The following DPP6 variants were observed in gnomAD, a reference collection of about 807,000 sequenced individuals.
The protein encoded by DPP6 is A-type potassium channel modulatory protein DPP6.
In DPP6, 69 loss-of-function variants were observed where a neutral mutation model predicts 122.6. The ratio of observed to expected loss-of-function variants is 0.56; its 90% confidence interval spans 0.46 to 0.69. The LOEUF is 0.69. DPP6 is among the 30% of genes least tolerant of loss of function. DPP6 has a pLI of 0.00. For synonymous variants in DPP6, 418 were observed against 433.1 expected (o/e 0.97, Z 0.43); for missense variants, 928 against 1,116.9 (o/e 0.83, Z 2.41).
At position 154,313,750 on chromosome 7, in the gene DPP6, C is replaced by T. The variant is rs1251138332; in HGVS notation, c.244-132464C>T. 1.0e-4 allele frequency among the ~76,000 whole-genome samples: 12 copies of T among 118,680 alleles called. 3 individuals carry two copies. Among genetic ancestry groups the T allele is most frequent in the African/African-American group, 3.8e-4 (12 of 31,330 alleles). The allele number at this position is 118,680 out of a possible 152,430, so 77.9% of individuals were successfully genotyped here. ...GCACGCACACACACACACACACACA[C>T]ACCCTTACATATATATGTAGTACTT... On this transcript the variant is annotated intron_variant, in intron 1 of 25. Transcript: ENST00000377770.
chr7:154,377,857 G>A (rs1586101886), intron 1 of DPP6, among the ~76,000 whole-genome samples: 1 of 152,138 alleles, frequency 6.6e-6, no homozygotes, highest in East Asian at 1.9e-4. Flanking sequence ...ACATACATTT[G>A]TATTATAGCA....
At chr7:153,958,001 TA>T (rs1480267439) in intron 1 of DPP6, among the ~76,000 whole-genome samples, 2 of 151,944 alleles carry the variant, frequency 1.3e-5, no homozygotes, top group Non-Finnish European at 2.9e-5. Flanking sequence ...CCATCTCTAC[TA>T]AAAATACAAA....
intron 1 of DPP6, among the ~76,000 whole-genome samples, chr7:154,223,376 T>C (rs182165719): frequency 1.3e-5 from 2 of 149,464 alleles, no homozygotes; most frequent in East Asian, 1.9e-4. Context: ...GATTTGATGA[T>C]GGGCAAATAT....
chr7:154,046,341 C>G (rs11764651), intron 1 of DPP6, among the ~76,000 whole-genome samples: 3,733 of 152,276 alleles, frequency 0.025, 64 homozygotes, highest in East Asian at 0.062. Context: ...AGTCACATGA[C>G]CAGTCTCAAA....
At chr7:154,680,686 A>AT (rs11295169) in intron 7 of DPP6, among the ~76,000 whole-genome samples, 142 of 133,498 alleles carry the variant, frequency 1.1e-3, no homozygotes, top group African/African-American at 4.3e-3. Flanking sequence ...TTATATATAT[A>AT]TTTTTTTTAA....
At chr7:153,802,482 A>T in the DPP6 span, among the ~76,000 whole-genome samples, 1 of 152,140 alleles carries the variant, frequency 6.6e-6, no homozygotes, top group African/African-American at 2.4e-5. Flanking sequence ...AGAGATGATA[A>T]AAAAGAAGAA....
chr7:154,217,668 A>G (rs948070431), intron 1 of DPP6, among the ~76,000 whole-genome samples: 3 of 152,214 alleles, frequency 2.0e-5, no homozygotes, highest in East Asian at 1.9e-4. Flanking sequence ...TAAGGTGTCT[A>G]TTAAGAAATG....
chr7:153,923,802 C>T (rs556658248), intron 1 of DPP6, among the ~76,000 whole-genome samples: 21 of 148,322 alleles, frequency 1.4e-4, no homozygotes, highest in South Asian at 6.4e-4. Context: ...TTCATCTTAG[C>T]GGGGAGGATC....
the DPP6 span, among the ~76,000 whole-genome samples, chr7:153,771,886 A>G: frequency 6.6e-6 from 1 of 152,214 alleles, no homozygotes; most frequent in Non-Finnish European, 1.5e-5. Flanking sequence ...GAAACAAAGA[A>G]TATTTAAAAA....
At chr7:154,886,352 G>A (rs2150694990) in intron 22 of DPP6, among the ~76,000 whole-genome samples, 1 of 152,356 alleles carries the variant, frequency 6.6e-6, no homozygotes, top group South Asian at 2.1e-4. Context: ...CAGGCTGTCA[G>A]GGTGACCTGC....
In DPP6 at chr7:154,892,748, C is replaced by A; in HGVS notation, c.*268C>A. On this transcript the variant is annotated 3_prime_UTR_variant, in exon 26 of 26. Coordinates refer to ENST00000377770, the MANE Select transcript of DPP6 (RefSeq NM_130797.4). ...CGCCCGAGAGACCGGCACGCCACGGCCCCTCCCCCAAGGAACAGAGCAAAG... is the reference window on the plus strand; with the variant it reads ...CGCCCGAGAGACCGGCACGCCACGGACCCTCCCCCAAGGAACAGAGCAAAG... 1 of 691,640 alleles carries A rather than the reference C, an allele frequency of 1.4e-6. No homozygotes were observed. 42.8% of individuals were successfully genotyped at this position (691,640 alleles called of 1,614,324 possible). A position where few individuals can be genotyped will look rare whatever the true frequency, so the allele number is the denominator to read the frequency against.
chr7:154,394,558 T>G (rs1814915375), intron 1 of DPP6, among the ~76,000 whole-genome samples: 1 of 152,170 alleles, frequency 6.6e-6, no homozygotes, highest in Non-Finnish European at 1.5e-5. Flanking sequence ...TCTATTAATA[T>G]TGTCTTTTAT....
At chr7:154,164,547 A>G (rs920880990) in intron 1 of DPP6, among the ~76,000 whole-genome samples, 1 of 152,072 alleles carries the variant, frequency 6.6e-6, no homozygotes, top group Admixed American at 6.5e-5. Context: ...AGAATTGTGG[A>G]ACCATCACCC....
intron 1 of DPP6, among the ~76,000 whole-genome samples, chr7:154,161,054 C>T (rs1796956501): frequency 6.6e-6 from 1 of 152,142 alleles, no homozygotes; most frequent in African/African-American, 2.4e-5. Flanking sequence ...TGCAGCTGTC[C>T]AGCACTGCAC....
At chr7:154,839,574 T>A (rs536449345) in intron 16 of DPP6, among the ~76,000 whole-genome samples, 1 of 152,328 alleles carries the variant, frequency 6.6e-6, no homozygotes, top group African/African-American at 2.4e-5. Flanking sequence ...GTGGACATGA[T>A]CAGCGGGGCG....
intron 3 of DPP6, among the ~76,000 whole-genome samples, chr7:154,507,636 G>A (rs1825761691): frequency 3.3e-5 from 5 of 152,138 alleles, no homozygotes; most frequent in Admixed American, 3.3e-4. Flanking sequence ...AGTTATGTGA[G>A]GAAGCAGCAG....
chr7:154,051,533 G>A (rs1176629729), upstream of DPP6, among the ~76,000 whole-genome samples: 1 of 140,516 alleles, frequency 7.1e-6, no homozygotes, highest in East Asian at 2.1e-4. Context: ...GCGCTGGAGC[G>A]CGCCTTCCTG....
rs1831522056 is a variant in DPP6 at position 154,575,347 on chromosome 7, G to GA, written c.627+8431_627+8432insA. Among the ~76,000 whole-genome samples the GA allele has an allele frequency of 2.9e-3, 187 of 65,450 alleles. 1 individual carries two copies. The highest frequency in any genetic ancestry group is 0.013 in the East Asian group (12 of 950). 42.9% of individuals were successfully genotyped at this position (65,450 alleles called of 152,430 possible). On this transcript the variant is annotated intron_variant, in intron 5 of 25. Transcript: ENST00000377770. ...GTATGTGTGTGTGGTGTGTGTATGTGTGTGTGGTGTGTGTGTGATGTGTGT... is the reference window on the plus strand; with the variant it reads ...GTATGTGTGTGTGGTGTGTGTATGTGATGTGTGGTGTGTGTGTGATGTGTGT...
the DPP6 span, among the ~76,000 whole-genome samples, chr7:153,881,508 T>C: frequency 6.6e-6 from 1 of 152,202 alleles, no homozygotes; most frequent in Admixed American, 6.5e-5. Context: ...ATCCTTATTA[T>C]TCCAACCCAA....
Sources: allele counts gnomAD v4.1 joint callset (sites outside exome capture counted in the v4.1 genomes callset), GRCh38; gene constraint gnomAD v4.1.1; transcripts MANE v1.5; gene names NCBI Gene and HGNC (gene_info 2026-07-23, HGNC 2026-07-21).